Variants in RTL4 observed in about 807,000 individuals in gnomAD.
RTL4 encodes retrotransposon Gag-like protein 4.
RTL4 carries 4 observed loss-of-function variants against 5.3 expected under a neutral mutation model. The ratio of observed to expected loss-of-function variants is 0.75; its 90% CI spans 0.37 to 1.72. RTL4 has a LOEUF of 1.72. Ranked by LOEUF, RTL4 falls within the 40% of genes most tolerant of loss-of-function variation. The pLI is 0.04. For missense variants in RTL4, 260 were observed against 227.1 expected (o/e 1.14, Z -0.93); for synonymous variants, 98 against 87.3 (o/e 1.12, Z -0.68).
the RTL4 span, among the ~76,000 whole-genome samples, chrX:112,151,734 G>T: frequency 1.9e-4 from 21 of 111,760 alleles, no homozygotes; most frequent in Admixed American, 9.5e-5. Flanking sequence ...TGTCCCCTCA[G>T]CATGGAAGGC....
the RTL4 span, among the ~76,000 whole-genome samples, chrX:112,210,270 C>A: frequency 8.9e-6 from 1 of 112,137 alleles, no homozygotes; most frequent in African/African-American, 3.2e-5. Flanking sequence ...TCAGACAGAC[C>A]TGCATTATAA....
the RTL4 span, among the ~76,000 whole-genome samples, chrX:112,201,237 T>C: frequency 9.0e-6 from 1 of 111,056 alleles, no homozygotes; most frequent in African/African-American, 3.3e-5. Context: ...ACCACCCCCA[T>C]GATTCAATTA....
the RTL4 span, among the ~76,000 whole-genome samples, chrX:112,166,917 T>A: frequency 9.8e-5 from 11 of 112,127 alleles, no homozygotes; most frequent in African/African-American, 3.2e-4. Flanking sequence ...CTAAGATGAC[T>A]TTCTAAGTCC....
the RTL4 span, among the ~76,000 whole-genome samples, chrX:112,330,570 G>T: frequency 1.8e-5 from 2 of 110,679 alleles, no homozygotes; most frequent in Non-Finnish European, 3.8e-5. Flanking sequence ...TCATGAAAAT[G>T]GCCATACTGC....
At chrX:112,189,113 G>A in the RTL4 span, among the ~76,000 whole-genome samples, 2 of 111,250 alleles carry the variant, frequency 1.8e-5, no homozygotes, top group Admixed American at 1.9e-4. Context: ...AAATCCTGAT[G>A]CTGAGCATGG....
At chrX:112,450,844 T>C (rs1190378022), upstream of RTL4, among the ~76,000 whole-genome samples, 1 of 112,077 alleles carries the variant, frequency 8.9e-6, no homozygotes, top group Non-Finnish European at 1.9e-5. Context: ...GACATTGTTA[T>C]AATAATGTAA....
the RTL4 span, among the ~76,000 whole-genome samples, chrX:112,139,626 G>A: frequency 3.6e-5 from 4 of 111,702 alleles, no homozygotes; most frequent in African/African-American, 9.8e-5. Context: ...TGAATTATTC[G>A]GTAAGGAAGA....
chrX:112,301,031 G>A, the RTL4 span, among the ~76,000 whole-genome samples: 19 of 111,448 alleles, frequency 1.7e-4, no homozygotes, highest in African/African-American at 4.9e-4. Context: ...TAGGGGTTGC[G>A]TCTCGGGAGA....
chrX:112,396,217 G>A, the RTL4 span, among the ~76,000 whole-genome samples: 1 of 110,814 alleles, frequency 9.0e-6, no homozygotes, highest in African/African-American at 3.3e-5. Flanking sequence ...TTTACTTTCT[G>A]CTGTGAGTTC....
chrX:112,269,348 T>C, the RTL4 span, among the ~76,000 whole-genome samples: 1 of 111,509 alleles, frequency 9.0e-6, no homozygotes, highest in African/African-American at 3.3e-5. Context: ...TTCTAAACTT[T>C]TGTTTTCTCA....
At chrX:112,446,889 G>C in the RTL4 span, among the ~76,000 whole-genome samples, 1 of 111,635 alleles carries the variant, frequency 9.0e-6, no homozygotes, top group Non-Finnish European at 1.9e-5. Context: ...ATAGTGAATG[G>C]GGAACAGTAA....
At chrX:112,179,974 G>C in the RTL4 span, among the ~76,000 whole-genome samples, 1 of 111,197 alleles carries the variant, frequency 9.0e-6, no homozygotes, top group Admixed American at 9.6e-5. Context: ...CACAGGTATT[G>C]ATCAGAGTCC....
chrX:112,401,951 C>T, the RTL4 span, among the ~76,000 whole-genome samples: 1 of 111,854 alleles, frequency 8.9e-6, no homozygotes, highest in Admixed American at 9.4e-5. Context: ...CACTACTCAC[C>T]TACGTGAATA....
chrX:112,209,122 T>A, the RTL4 span, among the ~76,000 whole-genome samples: 1 of 112,256 alleles, frequency 8.9e-6, no homozygotes, highest in Non-Finnish European at 1.9e-5. Flanking sequence ...ATCCACTTGA[T>A]TATTAAAATC....
chrX:112,328,875 C>T, the RTL4 span, among the ~76,000 whole-genome samples: 4 of 111,964 alleles, frequency 3.6e-5, no homozygotes, highest in African/African-American at 1.3e-4. Flanking sequence ...TGCTCAACTA[C>T]ATGGAAACTG....
the RTL4 span, among the ~76,000 whole-genome samples, chrX:112,181,220 A>C: frequency 9.0e-6 from 1 of 111,597 alleles, no homozygotes; most frequent in Non-Finnish European, 1.9e-5. Flanking sequence ...CTACAACACC[A>C]GGGCCCTGGG....
At chrX:112,202,041 A>C in the RTL4 span, among the ~76,000 whole-genome samples, 1 of 109,684 alleles carries the variant, frequency 9.1e-6, no homozygotes, top group Non-Finnish European at 1.9e-5. Flanking sequence ...TATTTGTGTA[A>C]CCACCACCAC....
chrX:112,375,261 T>G, the RTL4 span, among the ~76,000 whole-genome samples: 1 of 110,539 alleles, frequency 9.0e-6, no homozygotes, highest in African/African-American at 3.3e-5. Flanking sequence ...GCATCTGGGG[T>G]GATCATGACC....
chrX:112,207,443 C>T, the RTL4 span, among the ~76,000 whole-genome samples: 9 of 111,603 alleles, frequency 8.1e-5, no homozygotes, highest in Non-Finnish European at 1.5e-4. Flanking sequence ...AAATGCTTAC[C>T]TTTGTTTCAG....
Sources: gnomAD v4.1 joint callset for allele counts (sites outside exome capture counted in the v4.1 genomes callset) on GRCh38, gnomAD v4.1.1 for gene constraint, MANE v1.5 for transcripts, NCBI Gene and HGNC (gene_info 2026-07-23, HGNC 2026-07-21) for gene names.